The following TYK2 variants were observed in gnomAD, a reference collection of about 807,000 sequenced individuals.
The protein encoded by TYK2 is non-receptor tyrosine-protein kinase TYK2.
TYK2 carries 65 observed loss-of-function variants against 130.9 expected under a neutral mutation model. The ratio of observed to expected loss-of-function variants is 0.50; its 90% CI spans 0.41 to 0.61. TYK2 has a LOEUF of 0.61. TYK2 is among the 20% of genes least tolerant of loss of function. The pLI, the probability that TYK2 is intolerant of heterozygous loss-of-function variation, is 0.00. For synonymous variants in TYK2, 647 were observed against 658.9 expected (o/e 0.98, Z 0.28); for missense variants, 1,378 against 1,610.7 (o/e 0.86, Z 2.47).
Position 10,356,703 on chromosome 19 carries a change from G to A in TYK2, c.2482C>T (p.Gln828Ter). ...GGCTCGGGCAGCCGGTGCTGCCTCT[G>A]GTAGAAATGCTCCTTCTGTTGGGAA... ...RSPSEKEHFY[Q>*]RQHRLPEPSC... Residue 828 changes from glutamine to a stop codon, truncating the protein, a stop_gained, in exon 18 of 25, where the codon CAG (glutamine) becomes TAG (stop). Coordinates refer to ENST00000525621, the MANE Select transcript of TYK2 (RefSeq NM_003331.5). LOFTEE classifies it high-confidence loss of function. 1 of 1,609,116 alleles carries A rather than the reference G, an allele frequency of 6.2e-7. No individual in the cohort carries two copies.
chr19:10,377,240 C>A (rs2042151450), intron 3 of TYK2, among the ~76,000 whole-genome samples: 1 of 151,982 alleles, frequency 6.6e-6, no homozygotes, highest in Non-Finnish European at 1.5e-5. Context: ...TGCTGTCCTC[C>A]CTACTAAAAT....
intron 15 of TYK2, among the ~76,000 whole-genome samples, 156 bp from the exon 16 acceptor site, chr19:10,358,294 GTTTTTTTTTTT>G (rs770531180): frequency 1.1e-5 from 1 of 91,440 alleles, no homozygotes; most frequent in African/African-American, 4.4e-5. Flanking sequence ...TTTTTTTCTT[GTTTTTTTTTTT>G]TTTTTTTTTT....
intron 5 of TYK2, among the ~76,000 whole-genome samples, chr19:10,367,175 A>C (rs1307622130): frequency 6.6e-6 from 1 of 152,176 alleles, no homozygotes; most frequent in African/African-American, 2.4e-5. Context: ...AGCTTACTCT[A>C]GCCAGAGAAC....
chr19:10,377,563 G>T (rs183699076), intron 3 of TYK2, among the ~76,000 whole-genome samples: 2 of 88,996 alleles, frequency 2.2e-5, no homozygotes, highest in Non-Finnish European at 2.4e-5. Flanking sequence ...TGGGTGGATG[G>T]ATGGGTGGGT....
At chr19:10,375,869 G>A (rs2042096339) in intron 3 of TYK2, among the ~76,000 whole-genome samples, 1 of 151,826 alleles carries the variant, frequency 6.6e-6, no homozygotes, top group Non-Finnish European at 1.5e-5. Context: ...GGAGGTTGCA[G>A]TTAGCTGAGA....
Position 10,361,688 on chromosome 19 carries a change from CCA to C in TYK2, c.1959+80_1959+81del. ...ACACACCCCTCCCATCCCACCTCCT[CCA>C]CAGACACACCCCTCCCATCCCACCT... On this transcript the variant is annotated intron_variant, in intron 13 of 24. Transcript: ENST00000525621. The surrounding 1 kb of genome is among the most constrained non-coding windows in gnomAD (Gnocchi z 4.0). The C allele has an allele frequency of 5.1e-6, 8 of 1,577,526 alleles. No individual in the cohort carries two copies. The South Asian group carries it at 7.8e-5, about 15-fold the overall frequency.
At chr19:10,378,778 C>G (rs774146223) in intron 2 of TYK2, among the ~76,000 whole-genome samples, 1 of 151,810 alleles carries the variant, frequency 6.6e-6, no homozygotes, top group Non-Finnish European at 1.5e-5. Flanking sequence ...CCCAGGAGCT[C>G]GAGACCAGCC....
chr19:10,357,041 GCC>G (rs1236081184), intron 17 of TYK2: 1 of 442,358 alleles, frequency 2.3e-6, no homozygotes, highest in Admixed American at 3.6e-5. Flanking sequence ...CATGCACTCT[GCC>G]TAGGCTGCCC....
At chr19:10,379,830 A>C (rs1439476207) in intron 1 of TYK2, 51 bp from the exon 2 acceptor site, 1 of 152,340 alleles carries the variant, frequency 6.6e-6, no homozygotes, top group Non-Finnish European at 1.5e-5. Flanking sequence ...CAAGAATAAC[A>C]TAATTGTTAT....
Position 10,355,030 on chromosome 19 carries a change from TAAAA to T in TYK2, c.2618-425_2618-422del, listed in dbSNP as rs1195086102. On this transcript the variant is annotated intron_variant, in intron 18 of 24. Coordinates refer to ENST00000525621, the MANE Select transcript of TYK2 (RefSeq NM_003331.5). Reference sequence around the variant, plus strand: ...CTGGGCCACAGAGAGACACTGTCTTTAAAAAAAAAAAAAAGAAAGAAAGAAAGAA... The same window carrying T: ...CTGGGCCACAGAGAGACACTGTCTTTAAAAAAAAAAGAAAGAAAGAAAGAA... 8.1e-4 allele frequency among the ~76,000 whole-genome samples: 106 copies of T among 131,526 alleles called. 1 individual carries two copies. Among genetic ancestry groups the T allele is most frequent in the African/African-American group, 2.5e-3 (91 of 36,274 alleles). The allele number at this position is 131,526 out of a possible 152,430, so 86.3% of individuals were successfully genotyped here.
Position 10,361,603 on chromosome 19 carries a change from G to T in TYK2, c.1960-5C>A. On this transcript the variant is annotated splice_polypyrimidine_tract_variant and splice_region_variant and intron_variant, in intron 13 of 24. Transcript: ENST00000525621. The surrounding 1 kb of genome is among the most constrained non-coding windows in gnomAD (Gnocchi z 4.0). ...GCTGGCTGTCTCGTAGAAGGCCTGT[G>T]GGGACCGGGCAGGTCAGGTGGCTGC... The T allele has an allele frequency of 6.5e-7, 1 of 1,549,084 alleles. No homozygotes were observed.
In TYK2 at chr19:10,359,282, C is replaced by T. The variant is rs752724238; in HGVS notation, c.2068G>A (p.Val690Met). 1.2e-5 allele frequency: 19 copies of T among 1,611,628 alleles called. No individual in the cohort carries two copies. The highest frequency in any genetic ancestry group is 1.6e-4 in the Middle Eastern group (1 of 6,084). The change falls in exon 15 of 25, where the codon GTG (valine) becomes ATG (methionine). Residue 690 changes from valine to methionine, a missense_variant. By Grantham distance (21) the Val-to-Met change is conservative. Coordinates refer to ENST00000525621, the MANE Select transcript of TYK2 (RefSeq NM_003331.5). ...GPENIMVTEYVEHGPLDVWLR... is the reference protein window; with the variant it reads ...GPENIMVTEYMEHGPLDVWLR... ...CACACATCCAGGGGTCCGTGCTCCA[C>T]GTACTCTGTCACCATGATATCTGTA... is the stretch of plus-strand genomic sequence containing the variant.
At position 10,359,357 on chromosome 19, in the gene TYK2, C is replaced by G. The variant is rs557418604; in HGVS notation, c.2048-55G>C. The G allele has an allele frequency of 1.8e-5, 29 of 1,594,930 alleles. No homozygotes were observed. The African/African-American group carries it at 3.7e-4, about 21-fold the overall frequency. On this transcript the variant is annotated intron_variant, in intron 14 of 24. Transcript: ENST00000525621. ...CTGCCTGCTTCTGCCCTCTGGATGGCGGGGAATTGGGGGAGACGCCAGGGA... is the reference window on the plus strand; with the variant it reads ...CTGCCTGCTTCTGCCCTCTGGATGGGGGGGAATTGGGGGAGACGCCAGGGA...
Position 10,378,422 on chromosome 19 carries a change from C to T in TYK2, c.-16G>A. 1 of 1,605,880 alleles carries T rather than the reference C, an allele frequency of 6.2e-7. No individual in the cohort carries two copies. Among genetic ancestry groups the T allele is most frequent in the Non-Finnish European group, 8.5e-7 (1 of 1,179,622 alleles). ...GCAGAGGCATGCTCCCGGCAGGTGG[C>T]TCAGCTGGAAAGGGGACAATCTGTC... On this transcript the variant is annotated 5_prime_UTR_variant, in exon 3 of 25. Transcript: ENST00000525621.
chr19:10,365,823 C>T lies in TYK2; in HGVS notation c.705G>A (p.Arg235=). Residue 235 remains arginine (R), a synonymous_variant, in exon 7 of 25, where the codon CGG becomes CGA. Transcript: ENST00000525621. ...QHSALTRLRL[R]NVFRRFLRDF... is the part of the protein sequence containing the mutation. ...CCCGCAGGAACCTGCGGAAGACGTT[C>T]CGAAGGCGCAGCCGGGTCAGGGCGC... 5 of 1,612,450 alleles carry T rather than the reference C, an allele frequency of 3.1e-6. No homozygotes were observed. Among genetic ancestry groups the T allele is most frequent in the Non-Finnish European group, 4.2e-6 (5 of 1,179,794 alleles).
At position 10,353,671 on chromosome 19, in the gene TYK2, G is replaced by A. The variant is rs2040930824; in HGVS notation, c.2909-25C>T. The A allele has an allele frequency of 1.4e-6, 2 of 1,460,708 alleles. No individual in the cohort carries two copies. Among genetic ancestry groups the A allele is most frequent in the Non-Finnish European group, 1.8e-6 (2 of 1,101,912 alleles). The allele number at this position is 1,460,708 out of a possible 1,614,324, so 90.5% of individuals were successfully genotyped here. A position where few individuals can be genotyped will look rare whatever the true frequency, so the allele number is the denominator to read the frequency against. On this transcript the variant is annotated intron_variant, in intron 20 of 24. Transcript: ENST00000525621. The surrounding 1 kb of genome is among the most constrained non-coding windows in gnomAD (Gnocchi z 6.9). ...CCTGCCGCGGAGAGGGGCGGCCCCG[G>A]TGGGGGACGATAGAGGGCGGGCCGG...
intron 22 of TYK2, 136 bp from the exon 23 acceptor site, chr19:10,352,687 C>T (rs561306710): frequency 1.4e-6 from 1 of 717,476 alleles, no homozygotes; most frequent in Non-Finnish European, 2.3e-6. Context: ...GCAGCCTGAG[C>T]GGGGTGATAT....
Position 10,368,309 on chromosome 19 carries a change from T to C in TYK2, c.303A>G (p.Leu101=), listed in dbSNP as rs141110105. The stretch of plus-strand genomic sequence containing the variant: ...TCTCCACCCACCTTATGCGGAAATA[T>C]AGCATCAGGCTTGCATCTCTGGGGA... ...LEIPRDASLM[L]YFRIRFYFRN... Residue 101 remains leucine, a synonymous_variant, in exon 4 of 25, where the codon CTA becomes CTG. Coordinates refer to ENST00000525621, the MANE Select transcript of TYK2 (RefSeq NM_003331.5). 48 of 1,614,162 alleles carry C rather than the reference T, an allele frequency of 3.0e-5. No homozygotes were observed. The African/African-American group carries it at 5.2e-4, about 17-fold the overall frequency.
rs1175798835 is a variant in TYK2, at chr19:10,370,527, AT to A, written c.194-2110del. On this transcript the variant is annotated intron_variant, in intron 3 of 24. Transcript: ENST00000525621. ...GACTGTCTCAAAAAAAAAAAAAAAA[AT>A]GGTATCTGGCTGGGTGCAGTGGCCC... is the stretch of plus-strand genomic sequence containing the variant. 1.8e-4 allele frequency among the ~76,000 whole-genome samples: 24 copies of A among 136,946 alleles called. No individual in the cohort carries two copies. In the South Asian group the frequency reaches 3.4e-3, roughly 20 times the overall value. 89.8% of individuals were successfully genotyped at this position (136,946 alleles called of 152,430 possible).
Sources: gnomAD v4.1 joint callset for allele counts (sites outside exome capture counted in the v4.1 genomes callset) on GRCh38, gnomAD v4.1.1 for gene constraint, Gnocchi (gnomAD v3.1) non-coding constraint, MANE v1.5 for transcripts, NCBI Gene and HGNC (gene_info 2026-07-23, HGNC 2026-07-21) for gene names.